Variants in FMN1 observed in about 807,000 individuals in gnomAD.
FMN1 encodes formin 1, also known as formin-1.
A neutral mutation model predicts 132.4 loss-of-function variants in FMN1; 110 were observed. That is an observed-to-expected ratio of 0.83 (90% CI 0.71 to 0.97). FMN1 has a LOEUF of 0.97. FMN1 is among the 50% of genes least tolerant of loss of function. The probability of loss-of-function intolerance (pLI) is 0.00; values close to 1 mark genes in which losing one functional copy is unlikely to be tolerated. For synonymous variants in FMN1, 722 were observed against 651.7 expected (o/e 1.11, Z -1.64); for missense variants, 1,792 against 1,705.3 (o/e 1.05, Z -0.90).
chr15:32,965,313 T>C lies in FMN1; in HGVS notation c.2988-1056A>G, dbSNP rs564681386. Among the ~76,000 whole-genome samples the C allele has an allele frequency of 5.9e-5, 9 of 152,130 alleles. No individual in the cohort carries two copies. In the East Asian group the frequency reaches 1.7e-3, roughly 29 times the overall value. Reference sequence around the variant, plus strand: ...TACTTGGGAGGCTGAGGCAGGAGAATTGCTTGAACCCGGGAGGCAGAGGTT... The same window carrying C: ...TACTTGGGAGGCTGAGGCAGGAGAACTGCTTGAACCCGGGAGGCAGAGGTT... On this transcript the variant is annotated intron_variant, in intron 8 of 20. Coordinates refer to ENST00000616417, the MANE Select transcript of FMN1 (RefSeq NM_001277313.2).
chr15:32,794,828 T>G (rs1177140590), intron 19 of FMN1, among the ~76,000 whole-genome samples: 1 of 152,186 alleles, frequency 6.6e-6, no homozygotes, highest in African/African-American at 2.4e-5. Context: ...ACATCGTAAA[T>G]GCAATGTTGG....
At chr15:33,067,936 GCT>G in intron 5 of FMN1, 1 of 1,547,784 alleles carries the variant, frequency 6.5e-7, no homozygotes, top group Non-Finnish European at 8.7e-7. Context: ...CTTCTCCTGC[GCT>G]CTCAGTTTAT....
chr15:32,889,870 C>T (rs573818915), intron 15 of FMN1, among the ~76,000 whole-genome samples: 2 of 152,238 alleles, frequency 1.3e-5, no homozygotes, highest in Admixed American at 6.5e-5. Context: ...GTTCCCCTAT[C>T]GCCCAAGAAA....
intron 4 of FMN1, among the ~76,000 whole-genome samples, chr15:33,144,122 T>C (rs149264389): frequency 6.6e-6 from 1 of 152,208 alleles, no homozygotes; most frequent in East Asian, 1.9e-4. Flanking sequence ...TTTCTTTTGC[T>C]CTTTCATCCT....
intron 7 of FMN1, among the ~76,000 whole-genome samples, chr15:32,971,110 G>A (rs908904063): frequency 6.6e-6 from 1 of 152,180 alleles, no homozygotes; most frequent in African/African-American, 2.4e-5. Context: ...CTAAGCCTGA[G>A]TATCTTCAAG....
At chr15:32,910,343 T>A (rs1354701012) in intron 11 of FMN1, 131 bp downstream of exon 11, 7 of 687,332 alleles carry the variant, frequency 1.0e-5, no homozygotes, top group Middle Eastern at 3.1e-4. Context: ...CATTCAAGCT[T>A]GTGTTTCTAT....
At chr15:32,814,211 C>T (rs1179522359) in intron 17 of FMN1, among the ~76,000 whole-genome samples, 5 of 152,146 alleles carry the variant, frequency 3.3e-5, no homozygotes, top group Admixed American at 3.3e-4. Context: ...AACTTATCAC[C>T]ATTAATAGAA....
At chr15:32,897,857 G>A (rs553850252) in intron 15 of FMN1, among the ~76,000 whole-genome samples, 1 of 152,174 alleles carries the variant, frequency 6.6e-6, no homozygotes, top group East Asian at 1.9e-4. Flanking sequence ...AAACAGGGAA[G>A]GACATCAGAA....
rs374864775 is a variant in FMN1 at position 33,158,617 on chromosome 15, G to A, written c.-131-3572C>T. ...TTGGGACTACAGTTCCTTTGTTCTG[G>A]GCCCTGGGAAGCAGTATGTTGTAAG... On this transcript the variant is annotated intron_variant, in intron 3 of 20. Transcript: ENST00000616417. Among the ~76,000 whole-genome samples the A allele has an allele frequency of 1.8e-4, 28 of 152,132 alleles. No individual in the cohort carries two copies. In the East Asian group the frequency reaches 2.7e-3, roughly 15 times the overall value.
intron 9 of FMN1, among the ~76,000 whole-genome samples, chr15:32,955,491 C>T (rs2061744868): frequency 6.6e-6 from 1 of 152,158 alleles, no homozygotes; most frequent in Non-Finnish European, 1.5e-5. Flanking sequence ...AGAGGACTCA[C>T]TATCACCATC....
chr15:33,129,272 T>C (rs1170214555), intron 4 of FMN1, among the ~76,000 whole-genome samples: 1 of 152,242 alleles, frequency 6.6e-6, no homozygotes, highest in Non-Finnish European at 1.5e-5. Flanking sequence ...AGATTATAAA[T>C]ATGTGCTTTA....
intron 4 of FMN1, among the ~76,000 whole-genome samples, chr15:33,116,492 C>A (rs2039930667): frequency 1.3e-5 from 2 of 152,186 alleles, no homozygotes; most frequent in African/African-American, 4.8e-5. Context: ...GCCCTGAAGT[C>A]ATTCTAAGCC....
intron 6 of FMN1, among the ~76,000 whole-genome samples, chr15:33,021,176 C>T (rs891123585): frequency 1.5e-4 from 23 of 152,170 alleles, no homozygotes; most frequent in Admixed American, 1.2e-3. Flanking sequence ...AGACTTAAAC[C>T]CTAGCCACAG....
intron 5 of FMN1, among the ~76,000 whole-genome samples, chr15:33,074,197 C>A (rs2038109032): frequency 6.6e-6 from 1 of 152,238 alleles, no homozygotes; most frequent in African/African-American, 2.4e-5. Flanking sequence ...GGGATCTTAC[C>A]TTCTTCCTGA....
chr15:32,964,665 C>G (rs2031015648), intron 8 of FMN1, among the ~76,000 whole-genome samples: 1 of 152,182 alleles, frequency 6.6e-6, no homozygotes, highest in African/African-American at 2.4e-5. Flanking sequence ...CAGGCTAATT[C>G]TGAAGGAGAC....
chr15:33,035,051 T>C (rs1342079871), intron 6 of FMN1, among the ~76,000 whole-genome samples: 1 of 152,190 alleles, frequency 6.6e-6, no homozygotes, highest in Non-Finnish European at 1.5e-5. Flanking sequence ...AAAACGTGTT[T>C]TAAATTTACA....
chr15:32,957,921 G>C (rs1192207861), intron 9 of FMN1, among the ~76,000 whole-genome samples: 2 of 152,066 alleles, frequency 1.3e-5, no homozygotes, highest in Non-Finnish European at 2.9e-5. Context: ...TTCTTAATTT[G>C]GTTACTGCCA....
At chr15:33,010,710 T>C (rs74345097) in intron 6 of FMN1, among the ~76,000 whole-genome samples, 10,625 of 152,160 alleles carry the variant, frequency 0.07, 408 homozygotes, top group South Asian at 0.095. Flanking sequence ...AATATTAGAA[T>C]ATGCATGTTT....
intron 4 of FMN1, among the ~76,000 whole-genome samples, chr15:33,107,098 T>C (rs1418106150): frequency 1.3e-5 from 2 of 152,174 alleles, no homozygotes; most frequent in South Asian, 4.1e-4. Context: ...CCTAATTAAA[T>C]AGCTCTCAGT....
Sources: allele counts gnomAD v4.1 joint callset (sites outside exome capture counted in the v4.1 genomes callset), GRCh38; gene constraint gnomAD v4.1.1; transcripts MANE v1.5; gene names NCBI Gene and HGNC (gene_info 2026-07-23, HGNC 2026-07-21).